FRMD4B: variants seen among roughly 807,000 people sequenced by gnomAD.
FRMD4B encodes the protein FERM domain-containing protein 4B.
FRMD4B carries 74 observed loss-of-function variants against 141.5 expected under a neutral mutation model. The observed-to-expected ratio is 0.52, with a 90% confidence interval of 0.43 to 0.63. FRMD4B has a LOEUF of 0.63. FRMD4B is among the 30% of genes least tolerant of loss of function. The pLI, the probability that FRMD4B is intolerant of heterozygous loss-of-function variation, is 0.00. For missense variants in FRMD4B, 1,366 were observed against 1,253.4 expected, an observed-to-expected ratio of 1.09 and a Z score of -1.36; for synonymous variants, 506 against 467.9, an observed-to-expected ratio of 1.08 and a Z score of -1.05.
intron 11 of FRMD4B, among the ~76,000 whole-genome samples, chr3:69,214,858 T>A (rs911240755): frequency 2.1e-5 from 3 of 140,272 alleles, no homozygotes; most frequent in African/African-American, 7.9e-5. Context: ...CGAGACTCCA[T>A]CTCAAAAAAT....
intron 1 of FRMD4B, among the ~76,000 whole-genome samples, chr3:69,531,945 C>G (rs17043813): frequency 6.6e-6 from 1 of 152,140 alleles, no homozygotes; most frequent in Non-Finnish European, 1.5e-5. Context: ...AGACTGGGAA[C>G]CTGGAGGTAT....
At chr3:69,282,621 G>T (rs1177089196) in intron 5 of FRMD4B, among the ~76,000 whole-genome samples, 1 of 152,062 alleles carries the variant, frequency 6.6e-6, no homozygotes, top group African/African-American at 2.4e-5. Context: ...CTTAGAATTT[G>T]TTACCAGCCA....
chr3:69,367,150 A>G (rs1703690182), intron 1 of FRMD4B, among the ~76,000 whole-genome samples: 1 of 152,224 alleles, frequency 6.6e-6, no homozygotes. Context: ...ACACAAAGTT[A>G]AATTAAACAG....
chr3:69,484,097 T>C (rs1202358562), intron 1 of FRMD4B, among the ~76,000 whole-genome samples: 1 of 152,226 alleles, frequency 6.6e-6, no homozygotes, highest in Non-Finnish European at 1.5e-5. Flanking sequence ...AAAAATTACC[T>C]CAAAGCTTTT....
chr3:69,231,710 C>T (rs1246755609), intron 7 of FRMD4B, among the ~76,000 whole-genome samples: 1 of 152,174 alleles, frequency 6.6e-6, no homozygotes, highest in East Asian at 1.9e-4. Context: ...TGGGGAAAGC[C>T]GAAGTTCAAG....
chr3:69,215,853 C>T (rs530443586), intron 11 of FRMD4B, among the ~76,000 whole-genome samples: 97 of 152,266 alleles, frequency 6.4e-4, no homozygotes, highest in African/African-American at 2.0e-3. Flanking sequence ...TTCATACTAA[C>T]ATAAAATAGA....
chr3:69,373,074 G>GGA (rs1476055991), intron 1 of FRMD4B, among the ~76,000 whole-genome samples: 3 of 152,184 alleles, frequency 2.0e-5, no homozygotes, highest in Non-Finnish European at 4.4e-5. Context: ...GGTGAGAGGA[G>GGA]GAGAGAGAAC....
chr3:69,390,500 G>A (rs72937839), upstream of FRMD4B, among the ~76,000 whole-genome samples: 332 of 152,212 alleles, frequency 2.2e-3, 1 homozygote, highest in African/African-American at 7.5e-3. Flanking sequence ...CAGGGATGCC[G>A]CTAAACATTA....
At chr3:69,327,079 T>A (rs1287741615) in intron 1 of FRMD4B, among the ~76,000 whole-genome samples, 2 of 152,122 alleles carry the variant, frequency 1.3e-5, no homozygotes, top group African/African-American at 4.8e-5. Context: ...GGGATTTTCA[T>A]TTTCATCTGC....
intron 5 of FRMD4B, among the ~76,000 whole-genome samples, chr3:69,256,872 A>ATCTT (rs1361710054): frequency 8.5e-5 from 13 of 152,268 alleles, no homozygotes; most frequent in Admixed American, 8.5e-4. Context: ...GTTAGAGGTA[A>ATCTT]TCTTTATGGG....
intron 1 of FRMD4B, among the ~76,000 whole-genome samples, chr3:69,449,982 G>A (rs558434925): frequency 2.0e-5 from 3 of 152,092 alleles, no homozygotes; most frequent in Non-Finnish European, 4.4e-5. Flanking sequence ...GGGCATGGAA[G>A]TTACTTTACC....
intron 1 of FRMD4B, among the ~76,000 whole-genome samples, chr3:69,514,822 C>G (rs1019807343): frequency 2.0e-5 from 3 of 152,106 alleles, no homozygotes; most frequent in African/African-American, 7.2e-5. Context: ...CAATCCCTGT[C>G]AAAATCCCAA....
At chr3:69,455,265 A>G (rs1313847754) in intron 1 of FRMD4B, among the ~76,000 whole-genome samples, 1 of 152,244 alleles carries the variant, frequency 6.6e-6, no homozygotes, top group Non-Finnish European at 1.5e-5. Context: ...CAGAGGCCAC[A>G]GCAGTGATAG....
chr3:69,201,707 C>T (rs529970844), intron 11 of FRMD4B, among the ~76,000 whole-genome samples: 2 of 152,060 alleles, frequency 1.3e-5, no homozygotes, highest in Non-Finnish European at 2.9e-5. Context: ...CTCTTCATAT[C>T]CGAGGGCCAG....
intron 1 of FRMD4B, among the ~76,000 whole-genome samples, chr3:69,338,007 C>T (rs1421935196): frequency 2.0e-5 from 3 of 152,202 alleles, no homozygotes; most frequent in Admixed American, 6.5e-5. Flanking sequence ...CACATGCACA[C>T]GTATGTTTAT....
In FRMD4B at chr3:69,170,256, C is replaced by T. The variant is rs975691055; in HGVS notation, c.*1605G>A. 17 of 152,176 alleles carry T rather than the reference C, an allele frequency of 1.1e-4. No homozygotes were observed. The highest frequency in any genetic ancestry group is 1.3e-4 in the Non-Finnish European group (9 of 68,012). The allele number at this position is 152,176 out of a possible 1,614,324, so 9.4% of individuals were successfully genotyped here. A position where few individuals can be genotyped will look rare whatever the true frequency, so the allele number is the denominator to read the frequency against. On this transcript the variant is annotated 3_prime_UTR_variant, in exon 23 of 23. Transcript: ENST00000398540. ...AACCCCTGACATAAATGGAAGAAAA[C>T]GTAAACATTTTCAGTAGCACACCTT...
intron 7 of FRMD4B, among the ~76,000 whole-genome samples, chr3:69,246,130 C>T: frequency 6.6e-6 from 1 of 152,198 alleles, no homozygotes; most frequent in Non-Finnish European, 1.5e-5. Context: ...AGCCACTGTG[C>T]TCGGCACCCG....
At chr3:69,475,333 T>C (rs1203604670) in intron 1 of FRMD4B, among the ~76,000 whole-genome samples, 1 of 151,990 alleles carries the variant, frequency 6.6e-6, no homozygotes, top group Non-Finnish European at 1.5e-5. Context: ...ATTAGGTATA[T>C]CTCCTAATGC....
chr3:69,237,874 G>A (rs899327941), intron 7 of FRMD4B, among the ~76,000 whole-genome samples: 1 of 152,164 alleles, frequency 6.6e-6, no homozygotes, highest in African/African-American at 2.4e-5. Flanking sequence ...GGGATTACAG[G>A]CACGCACCAC....
Sources: allele counts gnomAD v4.1 joint callset (sites outside exome capture counted in the v4.1 genomes callset), GRCh38; gene constraint gnomAD v4.1.1; transcripts MANE v1.5; gene names NCBI Gene and HGNC (gene_info 2026-07-23, HGNC 2026-07-21).